Variants in FBXL17 observed in about 807,000 individuals in gnomAD.
The protein encoded by FBXL17 is F-box and leucine rich repeat protein 17.
In FBXL17, 22 loss-of-function variants were observed where a neutral mutation model predicts 66.2. The ratio of observed to expected loss-of-function variants is 0.33; its 90% CI spans 0.24 to 0.47. The LOEUF (loss-of-function observed/expected upper bound fraction) is 0.47. Among genes scored for constraint, FBXL17 ranks in the 20% least tolerant of loss-of-function variants. FBXL17 has a pLI of 1.00. For missense variants in FBXL17, 878 were observed against 948.2 expected (o/e 0.93, Z 0.97); for synonymous variants, 474 against 400.5 (o/e 1.18, Z -2.19).
chr5:107,866,643 T>C (rs1035377684), intron 8 of FBXL17, among the ~76,000 whole-genome samples: 1 of 152,178 alleles, frequency 6.6e-6, no homozygotes, highest in Admixed American at 6.5e-5. Context: ...GCCTGACTTA[T>C]CTCCTCAATG....
intron 4 of FBXL17, among the ~76,000 whole-genome samples, chr5:108,238,581 G>A (rs1755709917): frequency 6.6e-6 from 1 of 152,066 alleles, no homozygotes; most frequent in African/African-American, 2.4e-5. Flanking sequence ...TGCAATCACA[G>A]CTCACTGCAG....
chr5:107,954,736 A>C (rs1751605489), intron 7 of FBXL17, among the ~76,000 whole-genome samples: 1 of 152,190 alleles, frequency 6.6e-6, no homozygotes, highest in South Asian at 2.1e-4. Context: ...AGTGGTTTTG[A>C]TCACAGATGA....
chr5:108,037,634 T>C (rs368940784), intron 6 of FBXL17, among the ~76,000 whole-genome samples: 20 of 152,246 alleles, frequency 1.3e-4, no homozygotes, highest in African/African-American at 4.1e-4. Flanking sequence ...GCAGTCTGAG[T>C]TCCCAGGACC....
chr5:108,369,327 C>A (rs556435411), intron 1 of FBXL17, among the ~76,000 whole-genome samples: 3 of 152,120 alleles, frequency 2.0e-5, no homozygotes, highest in East Asian at 3.9e-4. Flanking sequence ...CTTTCTGGAC[C>A]GAACCAATGT....
intron 6 of FBXL17, among the ~76,000 whole-genome samples, chr5:108,151,174 A>G (rs1375464582): frequency 1.3e-5 from 2 of 152,152 alleles, no homozygotes; most frequent in Non-Finnish European, 2.9e-5. Context: ...AGCTTCAAAT[A>G]CAGTATTTTC....
intron 6 of FBXL17, among the ~76,000 whole-genome samples, chr5:108,174,748 CAA>C (rs34237156): frequency 0.049 from 4,530 of 92,576 alleles, 78 homozygotes; most frequent in African/African-American, 0.076. Context: ...CACAAAGAAG[CAA>C]AAAAAAAAAA....
At position 108,112,478 on chromosome 5, in the gene FBXL17, C is replaced by T. The variant is rs75879298; in HGVS notation, c.1745+73639G>A. On this transcript the variant is annotated intron_variant, in intron 6 of 8. Transcript: ENST00000542267. The stretch of plus-strand genomic sequence containing the variant: ...GTGCCCAAGTAACTTTAATTCTTCC[C>T]AGAACAAGGCCCAGAAATATTTAAA... Among the ~76,000 whole-genome samples the T allele has an allele frequency of 7.9e-3, 1,206 of 152,240 alleles. 17 individuals carry two copies. The highest frequency in any genetic ancestry group is 0.026 in the African/African-American group (1,091 of 41,530).
At chr5:108,297,710 C>CA in intron 4 of FBXL17, 4 of 455,468 alleles carry the variant, frequency 8.8e-6, no homozygotes, top group Non-Finnish European at 1.2e-5. Flanking sequence ...TTCAGTACTA[C>CA]AAAAAACATT....
chr5:108,230,028 TAGTCC>T (rs1755259237), intron 4 of FBXL17, among the ~76,000 whole-genome samples: 2 of 152,062 alleles, frequency 1.3e-5, no homozygotes, highest in Non-Finnish European at 2.9e-5. Flanking sequence ...GATACCACCT[TAGTCC>T]TGCAAAAATG....
chr5:107,882,441 A>C (rs1561516551), intron 7 of FBXL17, among the ~76,000 whole-genome samples: 1 of 152,192 alleles, frequency 6.6e-6, no homozygotes, highest in Non-Finnish European at 1.5e-5. Context: ...GTTTATAAAA[A>C]CAACAATCAT....
At chr5:108,365,068 G>A in intron 2 of FBXL17, 73 bp from the exon 3 acceptor site, 1 of 1,093,804 alleles carries the variant, frequency 9.1e-7, no homozygotes, top group Non-Finnish European at 1.3e-6. Context: ...TTAATTAAAT[G>A]TTCCACAATA....
At chr5:108,321,219 T>C (rs980787105) in intron 4 of FBXL17, among the ~76,000 whole-genome samples, 1 of 151,884 alleles carries the variant, frequency 6.6e-6, no homozygotes, top group African/African-American at 2.4e-5. Context: ...TGTTCACATT[T>C]AACATCCTTA....
intron 4 of FBXL17, among the ~76,000 whole-genome samples, chr5:108,316,337 C>G (rs1233894815): frequency 6.6e-6 from 1 of 151,246 alleles, no homozygotes; most frequent in Non-Finnish European, 1.5e-5. Context: ...ACGGCAATAT[C>G]AATTTTAAAT....
chr5:108,062,331 T>A (rs986851402), intron 6 of FBXL17, among the ~76,000 whole-genome samples: 1 of 152,148 alleles, frequency 6.6e-6, no homozygotes, highest in South Asian at 2.1e-4. Context: ...TATTAGCATA[T>A]AGACATCATG....
In FBXL17 at chr5:107,863,262, A is replaced by G. The variant is rs1182772586; in HGVS notation, c.1966-1402T>C. The stretch of plus-strand genomic sequence containing the variant: ...GACAGCTTATAACAGTACATTTAGG[A>G]GTCATGTATCATCTGGCCTTGCCTA... On this transcript the variant is annotated intron_variant, in intron 8 of 8. Coordinates refer to ENST00000542267, the MANE Select transcript of FBXL17 (RefSeq NM_001163315.3). Among the ~76,000 whole-genome samples, 5 of 151,400 alleles carry G rather than the reference A, an allele frequency of 3.3e-5. No homozygotes were observed. In the East Asian group the frequency reaches 9.6e-4, roughly 29 times the overall value.
intron 8 of FBXL17, among the ~76,000 whole-genome samples, chr5:107,874,911 A>C (rs1748570486): frequency 6.6e-6 from 1 of 152,162 alleles, no homozygotes; most frequent in African/African-American, 2.4e-5. Flanking sequence ...CTGATGCTTC[A>C]AGTGAAGGAC....
chr5:108,328,437 T>C (rs1276146077), intron 4 of FBXL17, among the ~76,000 whole-genome samples: 1 of 152,040 alleles, frequency 6.6e-6, no homozygotes, highest in African/African-American at 2.4e-5. Flanking sequence ...GGCAGGAGAA[T>C]ATGAAAATAT....
intron 7 of FBXL17, among the ~76,000 whole-genome samples, chr5:107,909,061 C>T (rs1201953785): frequency 2.0e-5 from 3 of 152,066 alleles, no homozygotes; most frequent in South Asian, 2.1e-4. Context: ...CTTAAATGAA[C>T]ATAAATAGAT....
At chr5:107,877,117 C>T (rs966153447) in intron 8 of FBXL17, among the ~76,000 whole-genome samples, 12 of 152,164 alleles carry the variant, frequency 7.9e-5, no homozygotes, top group Admixed American at 1.3e-4. Context: ...GATTAAGTGG[C>T]GTCAGCTCCA....
Sources: allele counts gnomAD v4.1 joint callset (sites outside exome capture counted in the v4.1 genomes callset), GRCh38; gene constraint gnomAD v4.1.1; transcripts MANE v1.5; gene names NCBI Gene and HGNC (gene_info 2026-07-23, HGNC 2026-07-21).